The following DMD variants were observed in gnomAD, a reference collection of about 807,000 sequenced individuals.
DMD encodes the protein mutant dystrophin.
In DMD, 63 loss-of-function variants were observed where a neutral mutation model predicts 330.1. That is an observed-to-expected ratio of 0.19 (90% CI 0.16 to 0.24). The LOEUF is 0.24. DMD is among the 10% of genes least tolerant of loss of function. The pLI, the probability that DMD is intolerant of heterozygous loss-of-function variation, is 1.00. For missense variants in DMD, 3,344 were observed against 2,684.1 expected (o/e 1.25, Z -5.43); for synonymous variants, 1,223 against 959.8 (o/e 1.27, Z -5.07).
intron 1 of DMD, among the ~76,000 whole-genome samples, chrX:33,037,602 T>C (rs139328054): frequency 0.011 from 1,246 of 111,692 alleles, 9 homozygotes; most frequent in Middle Eastern, 0.028. Flanking sequence ...ACTTTCTGTT[T>C]AGTTTCATTA....
At chrX:31,803,700 CTT>C (rs1256874382) in intron 50 of DMD, among the ~76,000 whole-genome samples, 6 of 75,546 alleles carry the variant, frequency 7.9e-5, no homozygotes, top group African/African-American at 2.8e-4. Flanking sequence ...CTCTCTCTCT[CTT>C]TCTTTTTATT....
intron 62 of DMD, among the ~76,000 whole-genome samples, chrX:31,315,891 G>T (rs2055965576): frequency 8.9e-6 from 1 of 112,207 alleles, no homozygotes; most frequent in South Asian, 3.7e-4. Context: ...GTGAAAAACA[G>T]TAGTTGATCA....
chrX:32,788,984 G>A (rs1009177728), intron 7 of DMD, among the ~76,000 whole-genome samples: 1 of 111,636 alleles, frequency 9.0e-6, no homozygotes, highest in Non-Finnish European at 1.9e-5. Flanking sequence ...GGCAAAAGAA[G>A]AAATAAATTA....
rs940373725 is a variant in DMD, at chrX:31,119,450, A to ATGTT, written c.*2465_*2468dup. On this transcript the variant is annotated 3_prime_UTR_variant, in exon 79 of 79. Transcript: ENST00000357033. ...AAACAATGACAAAACATGCCATGTG[A>ATGTT]TGTTTATGCTTCAGTTACATTATGA... 2.7e-5 allele frequency: 3 copies of ATGTT among 112,526 alleles called. No individual in the cohort carries two copies. The Admixed American group carries it at 2.8e-4, about 11-fold the overall frequency. 9.3% of individuals were successfully genotyped at this position (112,526 alleles called of 1,213,427 possible). A position where few individuals can be genotyped will look rare whatever the true frequency, so the allele number is the denominator to read the frequency against.
intron 16 of DMD, among the ~76,000 whole-genome samples, chrX:32,564,541 A>G (rs1431281923): frequency 8.9e-6 from 1 of 112,376 alleles, no homozygotes; most frequent in Non-Finnish European, 1.9e-5. Context: ...AACTACTATT[A>G]GGTCAATTAA....
intron 44 of DMD, among the ~76,000 whole-genome samples, chrX:32,202,415 G>A (rs755464585): frequency 9.9e-5 from 11 of 111,496 alleles, no homozygotes; most frequent in Non-Finnish European, 1.9e-4. Flanking sequence ...GCAGTGGCAC[G>A]ATCTTGGCTC....
At chrX:31,520,975 C>T (rs772316860) in intron 55 of DMD, among the ~76,000 whole-genome samples, 33 of 111,083 alleles carry the variant, frequency 3.0e-4, no homozygotes, top group African/African-American at 9.2e-4. Context: ...CCACCGCGCC[C>T]GGCCGCAATG....
intron 33 of DMD, among the ~76,000 whole-genome samples, chrX:32,383,739 G>A (rs73463816): frequency 0.024 from 2,697 of 110,531 alleles, 84 homozygotes; most frequent in African/African-American, 0.08. Flanking sequence ...TCTCAGATAT[G>A]TATTTTCAGG....
At chrX:31,945,362 A>C (rs1202093590) in intron 45 of DMD, among the ~76,000 whole-genome samples, 1 of 111,754 alleles carries the variant, frequency 8.9e-6, no homozygotes, top group Non-Finnish European at 1.9e-5. Flanking sequence ...TTTGAGATGG[A>C]GTCTCGCTCT....
chrX:31,847,889 A>G (rs1323010641), intron 48 of DMD, among the ~76,000 whole-genome samples: 1 of 111,873 alleles, frequency 8.9e-6, no homozygotes, highest in African/African-American at 3.2e-5. Context: ...CTACAAAGAA[A>G]GTTTTATCTA....
intron 1 of DMD, among the ~76,000 whole-genome samples, chrX:33,268,326 G>A (rs1051238660): frequency 9.0e-6 from 1 of 111,111 alleles, no homozygotes; most frequent in African/African-American, 3.3e-5. Flanking sequence ...AAAAGTAATT[G>A]TAACAAAAAT....
In DMD at chrX:32,808,439, TTTAAAC is replaced by T. The variant is rs772506090; in HGVS notation, c.649+1048_649+1053del. 4.7e-3 allele frequency among the ~76,000 whole-genome samples: 526 copies of T among 111,774 alleles called. 1 individual carries two copies. The highest frequency in any genetic ancestry group is 0.016 in the African/African-American group (492 of 30,821). On this transcript the variant is annotated intron_variant, in intron 7 of 78. Coordinates refer to ENST00000357033, the MANE Select transcript of DMD (RefSeq NM_004006.3). Reference sequence around the variant, plus strand: ...TTCCATTTTTATTTATATATCACTTTTTAAACTTAAAGTTAACTCCTCCCACCCCAA... The same window carrying T: ...TTCCATTTTTATTTATATATCACTTTTTAAAGTTAACTCCTCCCACCCCAA...
intron 47 of DMD, among the ~76,000 whole-genome samples, chrX:31,926,674 TCAAAAAATAAA>T (rs1414090999): frequency 9.3e-6 from 1 of 107,425 alleles, no homozygotes; most frequent in Non-Finnish European, 1.9e-5. Context: ...AGACTCTGTC[TCAAAAAATAAA>T]TAAAAAAAAA....
intron 55 of DMD, among the ~76,000 whole-genome samples, chrX:31,517,123 C>G (rs908112155): frequency 9.0e-6 from 1 of 111,441 alleles, no homozygotes; most frequent in African/African-American, 3.3e-5. Context: ...CAAAAATTCC[C>G]GAATATTTAT....
chrX:33,091,685 T>A (rs1427845988), intron 1 of DMD, among the ~76,000 whole-genome samples: 1 of 111,973 alleles, frequency 8.9e-6, no homozygotes, highest in Non-Finnish European at 1.9e-5. Context: ...GGGCTGGAGA[T>A]AATAAATTGT....
In DMD at chrX:33,174,034, C is replaced by CA. The variant is rs200540950; in HGVS notation, c.31+37247dup. On this transcript the variant is annotated intron_variant, in intron 1 of 78. Coordinates refer to ENST00000357033, the MANE Select transcript of DMD (RefSeq NM_004006.3). ...TGTATCTATATAAGATTGGTAACTA[C>CA]AAAAAAAAAAAAAAAAAAAAGAATC... is the stretch of plus-strand genomic sequence containing the variant. Among the ~76,000 whole-genome samples the CA allele has an allele frequency of 0.011, 554 of 52,733 alleles. 3 individuals carry two copies. Among genetic ancestry groups the CA allele is most frequent in the African/African-American group, 0.016 (287 of 18,059 alleles). 45.8% of individuals were successfully genotyped at this position (52,733 alleles called of 115,157 possible).
Position 32,887,029 on chromosome X carries a change from T to C in DMD, c.94-37209A>G, listed in dbSNP as rs190607960. ...GTTAATTTTGTTTCCTTTTACTTCT[T>C]CCATTCAATTGGGAATATTAATAAT... On this transcript the variant is annotated intron_variant, in intron 2 of 78. Coordinates refer to ENST00000357033, the MANE Select transcript of DMD (RefSeq NM_004006.3). Among the ~76,000 whole-genome samples, 34 of 112,051 alleles carry C rather than the reference T, an allele frequency of 3.0e-4. No homozygotes were observed. In the East Asian group the frequency reaches 9.6e-3, roughly 32 times the overall value.
chrX:33,028,947 T>G (rs991016122), intron 1 of DMD, among the ~76,000 whole-genome samples: 1 of 112,013 alleles, frequency 8.9e-6, no homozygotes, highest in Non-Finnish European at 1.9e-5. Context: ...CATTACCTCC[T>G]AAATGTGACC....
intron 29 of DMD, among the ~76,000 whole-genome samples, chrX:32,418,638 C>G (rs896832217): frequency 5.4e-5 from 6 of 110,718 alleles, no homozygotes; most frequent in African/African-American, 1.6e-4. Flanking sequence ...AGAAGCATGC[C>G]ATAAAAGTAT....
Sources: allele counts gnomAD v4.1 joint callset (sites outside exome capture counted in the v4.1 genomes callset), GRCh38; gene constraint gnomAD v4.1.1; transcripts MANE v1.5; gene names NCBI Gene and HGNC (gene_info 2026-07-23, HGNC 2026-07-21).